EDEM3: variants seen among roughly 807,000 people sequenced by gnomAD.
EDEM3 encodes ER degradation enhancing alpha-mannosidase like protein 3, also known as ER degradation-enhancing alpha-mannosidase-like protein 3.
Under a neutral mutation model 110.2 loss-of-function variants are expected in EDEM3, and 60 were observed. That is an observed-to-expected ratio of 0.54 (90% CI 0.44 to 0.67). The LOEUF (loss-of-function observed/expected upper bound fraction) is 0.67, where lower values mean the gene tolerates loss of function less well. EDEM3 is among the 30% of genes least tolerant of loss of function. The pLI, the probability that EDEM3 is intolerant of heterozygous loss-of-function variation, is 0.00. For synonymous variants in EDEM3, 352 were observed against 382.9 expected (o/e 0.92, Z 0.94); for missense variants, 996 against 1,121.0 (o/e 0.89, Z 1.59).
intron 16 of EDEM3, 94 bp downstream of exon 16, chr1:184,710,300 G>T: frequency 1.4e-6 from 2 of 1,439,776 alleles, no homozygotes; most frequent in Non-Finnish European, 1.9e-6. Flanking sequence ...TATTTAAAGT[G>T]TTTAGAAAGT....
At chr1:184,696,083 C>T (rs913975880) in intron 19 of EDEM3, among the ~76,000 whole-genome samples, 1 of 151,806 alleles carries the variant, frequency 6.6e-6, no homozygotes, top group African/African-American at 2.4e-5. Flanking sequence ...AAATGAAATG[C>T]AATTGTCTCA....
chr1:184,748,059 A>G (rs186491276), intron 2 of EDEM3, among the ~76,000 whole-genome samples: 195 of 152,276 alleles, frequency 1.3e-3, no homozygotes, highest in African/African-American at 4.4e-3. Context: ...ATTAGCCTAG[A>G]TTTGTTAAAT....
At position 184,712,264 on chromosome 1, in the gene EDEM3, T is replaced by C. The variant is rs185317841; in HGVS notation, c.1536+169A>G. Among the ~76,000 whole-genome samples the C allele has an allele frequency of 2.5e-3, 373 of 152,106 alleles. 2 individuals are homozygous for C. The highest frequency in any genetic ancestry group is 3.9e-3 in the Non-Finnish European group (264 of 67,996). ...TTTTAAAAGGAAACAGTTAATGAAA[T>C]ATATAAGTGTATACAGGATGCAATA... On this transcript the variant is annotated intron_variant, in intron 14 of 19. Coordinates refer to ENST00000318130, the MANE Select transcript of EDEM3 (RefSeq NM_025191.4).
Position 184,733,254 on chromosome 1 carries a change from C to T in EDEM3, c.459-264G>A, listed in dbSNP as rs183852937. On this transcript the variant is annotated intron_variant, in intron 5 of 19. Coordinates refer to ENST00000318130, the MANE Select transcript of EDEM3 (RefSeq NM_025191.4). ...AGCTTTAATTTTCTTAAAGAAAATC[C>T]GAGATACTACATTTAACAAATCTAA... Among the ~76,000 whole-genome samples, 27 of 152,018 alleles carry T rather than the reference C, an allele frequency of 1.8e-4. No homozygotes were observed. In the East Asian group the frequency reaches 4.1e-3, roughly 23 times the overall value.
At chr1:184,723,933 A>C in intron 7 of EDEM3, 77 bp from the exon 8 acceptor site, 1 of 1,070,390 alleles carries the variant, frequency 9.3e-7, no homozygotes, top group Non-Finnish European at 1.3e-6. Flanking sequence ...TAGGAAACTA[A>C]CAAACAAAAC....
intron 4 of EDEM3, among the ~76,000 whole-genome samples, chr1:184,735,886 G>C (rs1651795086): frequency 6.6e-6 from 1 of 152,102 alleles, no homozygotes; most frequent in Non-Finnish European, 1.5e-5. Flanking sequence ...TTTATCTCCT[G>C]GGAATTTTTG....
At chr1:184,737,568 G>C (rs754631018) in intron 3 of EDEM3, 43 bp downstream of exon 3, 1 of 1,567,362 alleles carries the variant, frequency 6.4e-7, no homozygotes, top group South Asian at 1.1e-5. Context: ...TCTAAGACTT[G>C]GGAACTCTGA....
chr1:184,712,359 G>T, intron 14 of EDEM3, 74 bp downstream of exon 14: 2 of 1,317,416 alleles, frequency 1.5e-6, no homozygotes, highest in East Asian at 2.5e-5. Context: ...TCTACTCATG[G>T]ATTACTTTTC....
At chr1:184,697,906 CCT>C (rs1238277581) in intron 19 of EDEM3, among the ~76,000 whole-genome samples, 1 of 151,098 alleles carries the variant, frequency 6.6e-6, no homozygotes, top group Non-Finnish European at 1.5e-5. Context: ...GTGTGTGTAA[CCT>C]CTGTCCCTAT....
rs749150489 is a variant in EDEM3, at chr1:184,702,761, C to A, written c.2389+50G>T. On this transcript the variant is annotated intron_variant, in intron 19 of 19. Transcript: ENST00000318130. ...TGACTCATTCTTGTTATCAAACTAG[C>A]AAAATTAATATTACGCTGCATAAAA... The A allele has an allele frequency of 1.7e-5, 23 of 1,359,158 alleles. No individual in the cohort carries two copies. The African/African-American group carries it at 2.5e-4, about 15-fold the overall frequency. 84.2% of individuals were successfully genotyped at this position (1,359,158 alleles called of 1,614,324 possible).
Position 184,749,588 on chromosome 1 carries a change from G to C in EDEM3, c.163C>G (p.Gln55Glu), listed in dbSNP as rs774641568. ...GCATGATCAAACATTTCCAGTACTTGATTCCTAATTTTAAAAGAGCAGAAA... is the reference window on the plus strand; with the variant it reads ...GCATGATCAAACATTTCCAGTACTTCATTCCTAATTTTAAAAGAGCAGAAA... ...SREEKQKLGN[Q>E]VLEMFDHAYG... The change falls in exon 2 of 20, where the codon CAA (glutamine) becomes GAA (glutamate). Residue 55 changes from glutamine to glutamate, a missense_variant. Physicochemically the swap from Gln to Glu is conservative, Grantham distance 29. This residue lies in a region of EDEM3 where 200 missense variants were observed against 183.8 expected (regional missense o/e 1.09). Transcript: ENST00000318130. 1.3e-6 allele frequency: 2 copies of C among 1,492,650 alleles called. No homozygotes were observed. The highest frequency in any genetic ancestry group is 2.5e-5 in the South Asian group (2 of 80,956). The allele number at this position is 1,492,650 out of a possible 1,614,324, so 92.5% of individuals were successfully genotyped here.
chr1:184,694,955 A>C (rs1261988929), intron 19 of EDEM3, among the ~76,000 whole-genome samples: 1 of 152,066 alleles, frequency 6.6e-6, no homozygotes, highest in Non-Finnish European at 1.5e-5. Context: ...AAAGAAGCAG[A>C]TAACATAGAT....
Position 184,711,823 on chromosome 1 carries a change from T to A in EDEM3, c.1591A>T (p.Thr531Ser). The change falls in exon 15 of 20, where the codon ACT becomes TCT. Residue 531 changes from threonine (T) to serine (S), a missense_variant. Physicochemically the swap from Thr to Ser is moderately conservative, Grantham distance 58 (BLOSUM62 1). Coordinates refer to ENST00000318130, the MANE Select transcript of EDEM3 (RefSeq NM_025191.4). ...GGGTCATTAGGAAAGAGGATCTGAGTATTTGGACAAGTCCAATCGAAGTTA... is the reference window on the plus strand; with the variant it reads ...GGGTCATTAGGAAAGAGGATCTGAGAATTTGGACAAGTCCAATCGAAGTTA... ...DSNFDWTCPN[T>S]QILFPNDPLY... is the part of the protein sequence containing the mutation. 1 of 1,613,486 alleles carries A rather than the reference T, an allele frequency of 6.2e-7. No individual in the cohort carries two copies. The highest frequency in any genetic ancestry group is 8.5e-7 in the Non-Finnish European group (1 of 1,179,590).
chr1:184,691,338 T>C lies in EDEM3; in HGVS notation c.*2725A>G, dbSNP rs1649054611. On this transcript the variant is annotated 3_prime_UTR_variant, in exon 20 of 20. Coordinates refer to ENST00000318130, the MANE Select transcript of EDEM3 (RefSeq NM_025191.4). ...AACTAGCTATTTTATTTTTAGTAGGTAAACAGGTTAAGTTTTAAAACTTGA... is the reference window on the plus strand; with the variant it reads ...AACTAGCTATTTTATTTTTAGTAGGCAAACAGGTTAAGTTTTAAAACTTGA... The C allele has an allele frequency of 6.6e-6, 1 of 152,508 alleles. No homozygotes were observed. The highest frequency in any genetic ancestry group is 2.4e-5 in the African/African-American group (1 of 41,450). The allele number at this position is 152,508 out of a possible 1,614,324, so 9.4% of individuals were successfully genotyped here. A position where few individuals can be genotyped will look rare whatever the true frequency, so the allele number is the denominator to read the frequency against.
At chr1:184,729,222 T>C (rs1314415120) in intron 6 of EDEM3, among the ~76,000 whole-genome samples, 1 of 152,182 alleles carries the variant, frequency 6.6e-6, no homozygotes, top group East Asian at 1.9e-4. Context: ...CAATCTAGAA[T>C]CTGGTTCCTC....
chr1:184,721,439 T>A lies in EDEM3; in HGVS notation c.854-53A>T, dbSNP rs556031557. The A allele has an allele frequency of 2.9e-3, 4,264 of 1,446,618 alleles. 36 individuals are homozygous for A. Among genetic ancestry groups the A allele is most frequent in the East Asian group, 0.026 (1,081 of 41,766 alleles). The allele number at this position is 1,446,618 out of a possible 1,614,324, so 89.6% of individuals were successfully genotyped here. On this transcript the variant is annotated intron_variant, in intron 8 of 19. Transcript: ENST00000318130. Reference sequence around the variant, plus strand: ...TTAAATTTTTTTAAAACCGTTAAATTTTTTTAAAAAAATAGCACTCCTTAG... The same window carrying A: ...TTAAATTTTTTTAAAACCGTTAAATATTTTTAAAAAAATAGCACTCCTTAG...
intron 8 of EDEM3, 50 bp from the exon 9 acceptor site, chr1:184,721,436 A>C (rs570369782): frequency 6.9e-7 from 1 of 1,451,814 alleles, no homozygotes; most frequent in South Asian, 1.3e-5. Context: ...AAAACCGTTA[A>C]ATTTTTTTAA....
intron 1 of EDEM3, among the ~76,000 whole-genome samples, chr1:184,751,840 G>A (rs185486844): frequency 1.1e-3 from 165 of 152,162 alleles, no homozygotes; most frequent in Middle Eastern, 3.4e-3. Flanking sequence ...TGCAACCTTC[G>A]CCTCCAGGTT....
intron 4 of EDEM3, among the ~76,000 whole-genome samples, chr1:184,735,502 A>C (rs1651772063): frequency 6.6e-6 from 1 of 152,194 alleles, no homozygotes; most frequent in Admixed American, 6.5e-5. Context: ...CTAGAGCCTA[A>C]GTACATTAAA....
Sources: allele counts gnomAD v4.1 joint callset (sites outside exome capture counted in the v4.1 genomes callset), GRCh38; gene constraint gnomAD v4.1.1; regional missense constraint gnomAD v4.1.1; transcripts MANE v1.5; gene names NCBI Gene and HGNC (gene_info 2026-07-23, HGNC 2026-07-21).